MARCHF6: variants seen among roughly 807,000 people sequenced by gnomAD.
MARCHF6 encodes the protein E3 ubiquitin-protein ligase MARCHF6.
In MARCHF6, 31 loss-of-function variants were observed where a neutral mutation model predicts 133.7. That is an observed-to-expected ratio of 0.23 (90% CI 0.17 to 0.31). The LOEUF (loss-of-function observed/expected upper bound fraction) is 0.31, where lower values mean the gene tolerates loss of function less well. Among genes scored for constraint, MARCHF6 ranks in the 10% least tolerant of loss-of-function variants. MARCHF6 has a pLI of 1.00. For synonymous variants in MARCHF6, 395 were observed against 402.5 expected (o/e 0.98, Z 0.22); for missense variants, 723 against 1,121.6 (o/e 0.64, Z 5.08).
chr5:10,402,341 T>C (rs757726607), intron 12 of MARCHF6, 43 bp from the exon 13 acceptor site: 5 of 1,532,020 alleles, frequency 3.3e-6, no homozygotes, highest in Non-Finnish European at 3.6e-6. Flanking sequence ...CCTGTTTCAT[T>C]GTACCTTTAA....
At chr5:10,426,603 G>A in intron 24 of MARCHF6, 81 bp downstream of exon 24, 2 of 1,423,698 alleles carry the variant, frequency 1.4e-6, no homozygotes, top group South Asian at 2.5e-5. Context: ...TAAAAAGGAT[G>A]TCTCACTCCA....
intron 25 of MARCHF6, among the ~76,000 whole-genome samples, chr5:10,430,285 G>GT (rs796935380): frequency 2.6e-3 from 353 of 133,396 alleles, no homozygotes; most frequent in African/African-American, 6.8e-3. Flanking sequence ...GGAGAGGGAG[G>GT]TTTTTTTTTT....
chr5:10,378,651 C>A, intron 2 of MARCHF6, 108 bp from the exon 3 acceptor site: 1 of 687,988 alleles, frequency 1.5e-6, no homozygotes, highest in Non-Finnish European at 2.4e-6. Context: ...AATTTTGAAA[C>A]TAAAAGCTCT....
intron 5 of MARCHF6, among the ~76,000 whole-genome samples, chr5:10,389,862 G>A (rs1374677023): frequency 6.6e-6 from 1 of 152,148 alleles, no homozygotes; most frequent in African/African-American, 2.4e-5. Flanking sequence ...TGTGGGTTCA[G>A]GTGTCAGCTA....
chr5:10,405,639 C>T lies in MARCHF6; in HGVS notation c.1414C>T (p.Pro472Ser). The T allele has an allele frequency of 1.2e-6, 2 of 1,608,704 alleles. No homozygotes were observed. Among genetic ancestry groups the T allele is most frequent in the African/African-American group, 1.3e-5 (1 of 74,416 alleles). The change falls in exon 16 of 26, where the codon CCA (proline) becomes TCA (serine). Residue 472 changes from proline (P) to serine (S), a missense_variant. Physicochemically the swap from Pro to Ser is moderately conservative, Grantham distance 74. Coordinates refer to ENST00000274140, the MANE Select transcript of MARCHF6 (RefSeq NM_005885.4). ...TCCAGTACAGGAAATGATCCATTTG[C>T]CAATATATAGGCATCTCCGAAGATT... Reference protein sequence around the residue: ...FNPVQEMIHLPIYRHLRRFIL... With the variant: ...FNPVQEMIHLSIYRHLRRFIL...
In MARCHF6 at chr5:10,439,325, C is replaced by CCCAAAACTGTATA. The variant is rs1740767394; in HGVS notation, c.*5642_*5654dup. 6.6e-6 allele frequency: 1 copy of CCCAAAACTGTATA among 152,144 alleles called. No homozygotes were observed. The highest frequency in any genetic ancestry group is 1.5e-5 in the Non-Finnish European group (1 of 68,036). The allele number at this position is 152,144 out of a possible 1,614,324, so 9.4% of individuals were successfully genotyped here. On this transcript the variant is annotated 3_prime_UTR_variant, in exon 26 of 26. Coordinates refer to ENST00000274140, the MANE Select transcript of MARCHF6 (RefSeq NM_005885.4). The stretch of plus-strand genomic sequence containing the variant: ...TTAAAGTCCAAATGGATTATAGTTC[C>CCCAAAACTGTATA]CCAAAACTGTATAATTTCTAGAAGA...
chr5:10,423,709 A>G (rs371528708), intron 22 of MARCHF6, 26 bp from the exon 23 acceptor site: 6 of 1,498,432 alleles, frequency 4.0e-6, no homozygotes, highest in African/African-American at 1.4e-5. Context: ...CAACAGAAAT[A>G]TGTTAAATGG....
intron 1 of MARCHF6, among the ~76,000 whole-genome samples, chr5:10,376,519 A>C (rs749996567): frequency 5.9e-5 from 9 of 152,240 alleles, no homozygotes; most frequent in Non-Finnish European, 1.2e-4. Flanking sequence ...CTAATTCCGG[A>C]CACAATTTGA....
At chr5:10,405,964 C>T (rs750009634) in intron 16 of MARCHF6, among the ~76,000 whole-genome samples, 1 of 152,090 alleles carries the variant, frequency 6.6e-6, no homozygotes, top group Non-Finnish European at 1.5e-5. Context: ...GTGCATGTCC[C>T]GTTAGGAATG....
At chr5:10,410,866 G>A (rs966155015) in intron 18 of MARCHF6, among the ~76,000 whole-genome samples, 1 of 152,170 alleles carries the variant, frequency 6.6e-6, no homozygotes, top group African/African-American at 2.4e-5. Flanking sequence ...ATAGCTTGGA[G>A]GTTTTACAAA....
rs1029807453 is a variant in MARCHF6, at chr5:10,386,896, G to A, written c.335-98G>A. ...TAAAGACTAAATGTTTATTTCAGTG[G>A]CATTTGTGGCGTTCCACTTTACCTC... On this transcript the variant is annotated intron_variant, in intron 4 of 25. Coordinates refer to ENST00000274140, the MANE Select transcript of MARCHF6 (RefSeq NM_005885.4). 13 of 818,890 alleles carry A rather than the reference G, an allele frequency of 1.6e-5. No homozygotes were observed. The South Asian group carries it at 1.8e-4, about 12-fold the overall frequency. 50.7% of individuals were successfully genotyped at this position (818,890 alleles called of 1,614,324 possible). A position where few individuals can be genotyped will look rare whatever the true frequency, so the allele number is the denominator to read the frequency against.
chr5:10,382,877 A>G (rs142025380), intron 4 of MARCHF6, among the ~76,000 whole-genome samples: 31 of 152,260 alleles, frequency 2.0e-4, no homozygotes, highest in African/African-American at 7.2e-4. Flanking sequence ...ATGGTCATAA[A>G]TAATTGGGAG....
chr5:10,423,945 G>A (rs1432714142), intron 23 of MARCHF6, 121 bp downstream of exon 23: 3 of 575,126 alleles, frequency 5.2e-6, no homozygotes, highest in Admixed American at 3.7e-5. Flanking sequence ...TTTTTGATGG[G>A]CATATATAAC....
At chr5:10,387,132 ATTTAT>A (rs1296528585) in intron 5 of MARCHF6, 66 bp downstream of exon 5, 9 of 1,144,184 alleles carry the variant, frequency 7.9e-6, no homozygotes, top group African/African-American at 3.1e-5. Flanking sequence ...TTCCTTGCAT[ATTTAT>A]TTTATTATAA....
intron 8 of MARCHF6, among the ~76,000 whole-genome samples, 159 bp downstream of exon 8, chr5:10,394,302 G>A (rs919471725): frequency 2.6e-5 from 4 of 152,052 alleles, no homozygotes; most frequent in African/African-American, 9.7e-5. Flanking sequence ...ATTGTTTATG[G>A]TCAAAATATT....
chr5:10,362,457 G>A (rs1735884499), intron 1 of MARCHF6, among the ~76,000 whole-genome samples: 1 of 152,136 alleles, frequency 6.6e-6, no homozygotes, highest in Admixed American at 6.5e-5. Flanking sequence ...TAAAATTGAG[G>A]ACCCAAAGGA....
chr5:10,425,037 A>G (rs1456688003), intron 23 of MARCHF6, among the ~76,000 whole-genome samples: 1 of 152,194 alleles, frequency 6.6e-6, no homozygotes, highest in Non-Finnish European at 1.5e-5. Flanking sequence ...TCTTATCCTT[A>G]GGCCAGTGCC....
At chr5:10,428,622 A>G (rs945546675) in intron 24 of MARCHF6, among the ~76,000 whole-genome samples, 1 of 152,158 alleles carries the variant, frequency 6.6e-6, no homozygotes, top group African/African-American at 2.4e-5. Flanking sequence ...GATTACAGGC[A>G]TGAGCTACCA....
In MARCHF6 at chr5:10,435,689, A is replaced by G. The variant is rs1328252600; in HGVS notation, c.*2005A>G. On this transcript the variant is annotated 3_prime_UTR_variant, in exon 26 of 26. Transcript: ENST00000274140. ...TATATATATATATATATATATATATATATATATATTTTTTTTTTTTTTTTT... is the reference window on the plus strand; with the variant it reads ...TATATATATATATATATATATATATGTATATATATTTTTTTTTTTTTTTTT... The G allele has an allele frequency of 6.4e-4, 4 of 6,298 alleles. No homozygotes were observed. Among genetic ancestry groups the G allele is most frequent in the Non-Finnish European group, 1.0e-3 (4 of 3,924 alleles). The allele number at this position is 6,298 out of a possible 1,614,324, so 0.4% of individuals were successfully genotyped here. A position where few individuals can be genotyped will look rare whatever the true frequency, so the allele number is the denominator to read the frequency against.
Sources: allele counts gnomAD v4.1 joint callset (sites outside exome capture counted in the v4.1 genomes callset), GRCh38; gene constraint gnomAD v4.1.1; transcripts MANE v1.5; gene names NCBI Gene and HGNC (gene_info 2026-07-23, HGNC 2026-07-21).